Variants in DIAPH3 observed in about 807,000 individuals in gnomAD.
DIAPH3 encodes diaphanous related formin 3, also known as protein diaphanous homolog 3.
Under a neutral mutation model 144.3 loss-of-function variants are expected in DIAPH3, and 117 were observed. The observed-to-expected ratio is 0.81, with a 90% CI of 0.70 to 0.95. The LOEUF is 0.95. Ranked by LOEUF, DIAPH3 falls within the 40% of genes least tolerant of loss-of-function variation. The pLI is 0.00. For synonymous variants in DIAPH3, 519 were observed against 488.9 expected (o/e 1.06, Z -0.81); for missense variants, 1,421 against 1,412.7 (o/e 1.01, Z -0.09).
intron 12 of DIAPH3, among the ~76,000 whole-genome samples, chr13:59,990,355 C>T (rs761901979): frequency 6.6e-6 from 1 of 151,824 alleles, no homozygotes; most frequent in Non-Finnish European, 1.5e-5. Context: ...GTCTAAAAAA[C>T]TCTTCTACTT....
intron 27 of DIAPH3, among the ~76,000 whole-genome samples, chr13:59,756,034 A>G (rs1034200080): frequency 6.6e-6 from 1 of 152,196 alleles, no homozygotes; most frequent in African/African-American, 2.4e-5. Flanking sequence ...TGTGGTTCTC[A>G]AAGTGTGGTT....
intron 17 of DIAPH3, among the ~76,000 whole-genome samples, chr13:59,969,500 C>T (rs1478010299): frequency 3.3e-5 from 5 of 152,222 alleles, no homozygotes; most frequent in African/African-American, 9.6e-5. Context: ...CCGTCATCTA[C>T]GTTGGGTATT....
At chr13:59,897,824 G>A (rs918526093) in intron 20 of DIAPH3, among the ~76,000 whole-genome samples, 6 of 150,832 alleles carry the variant, frequency 4.0e-5, no homozygotes, top group Non-Finnish European at 7.4e-5. Flanking sequence ...GAAGAAAAAA[G>A]TGTAAAATAA....
chr13:60,038,825 C>A (rs147476022), intron 5 of DIAPH3, among the ~76,000 whole-genome samples: 3 of 151,970 alleles, frequency 2.0e-5, no homozygotes, highest in Middle Eastern at 3.4e-3. Context: ...AATAAAGATA[C>A]CTTCTATCAC....
chr13:60,052,969 A>AG (rs1415571204), intron 4 of DIAPH3, among the ~76,000 whole-genome samples: 1 of 146,990 alleles, frequency 6.8e-6, no homozygotes, highest in Non-Finnish European at 1.5e-5. Context: ...TAAAAAAAAA[A>AG]AAAAAAAAAA....
intron 20 of DIAPH3, among the ~76,000 whole-genome samples, chr13:59,891,135 A>T (rs2045767576): frequency 6.6e-6 from 1 of 152,052 alleles, no homozygotes; most frequent in South Asian, 2.1e-4. Context: ...TCATAATGAG[A>T]TTTGAAGAGT....
At chr13:59,806,278 A>G (rs1364913758) in intron 25 of DIAPH3, among the ~76,000 whole-genome samples, 1 of 151,994 alleles carries the variant, frequency 6.6e-6, no homozygotes, top group Admixed American at 6.6e-5. Flanking sequence ...AAAAATTTCT[A>G]CGAAGATTTG....
chr13:60,077,231 A>G (rs1276738105), intron 4 of DIAPH3, among the ~76,000 whole-genome samples: 4 of 152,078 alleles, frequency 2.6e-5, no homozygotes, highest in Non-Finnish European at 5.9e-5. Context: ...GACAGGGGGA[A>G]ATGCGTAAAG....
At chr13:59,769,995 C>T (rs534998590) in intron 27 of DIAPH3, among the ~76,000 whole-genome samples, 9 of 152,108 alleles carry the variant, frequency 5.9e-5, no homozygotes, top group African/African-American at 1.9e-4. Flanking sequence ...TTAATGTTGC[C>T]ACACTTTGCT....
At chr13:59,995,279 G>A (rs775056515) in intron 9 of DIAPH3, among the ~76,000 whole-genome samples, 8 of 151,724 alleles carry the variant, frequency 5.3e-5, no homozygotes, top group Non-Finnish European at 1.0e-4. Flanking sequence ...TGAGATGTTC[G>A]TCATAAGGAA....
chr13:59,666,268 A>AC lies in DIAPH3; in HGVS notation c.*315dup, dbSNP rs893088262. The AC allele has an allele frequency of 4.9e-5, 12 of 244,448 alleles. No homozygotes were observed. Among genetic ancestry groups the AC allele is most frequent in the Non-Finnish European group, 9.3e-5 (12 of 129,218 alleles). The allele number at this position is 244,448 out of a possible 1,614,324, so 15.1% of individuals were successfully genotyped here. A position where few individuals can be genotyped will look rare whatever the true frequency, so the allele number is the denominator to read the frequency against. On this transcript the variant is annotated 3_prime_UTR_variant, in exon 28 of 28. Transcript: ENST00000400324. ...AGAAAGATGGTATTTTCTTAAGGAC[A>AC]CACTGCTGAACACATGGCCACCTAC... is the stretch of plus-strand genomic sequence containing the variant.
chr13:59,867,287 C>T (rs368048762), intron 21 of DIAPH3, among the ~76,000 whole-genome samples: 1 of 150,954 alleles, frequency 6.6e-6, no homozygotes, highest in East Asian at 1.9e-4. Context: ...CAGAGTGAGA[C>T]CTGGCTCTTA....
chr13:59,908,326 G>A (rs1036280989), intron 20 of DIAPH3, among the ~76,000 whole-genome samples: 2 of 136,674 alleles, frequency 1.5e-5, no homozygotes, highest in South Asian at 4.7e-4. Flanking sequence ...AGCCGAGATC[G>A]TGCCACTGTA....
chr13:60,145,113 A>T (rs1177265677), intron 1 of DIAPH3, among the ~76,000 whole-genome samples: 8 of 152,296 alleles, frequency 5.3e-5, no homozygotes, highest in Non-Finnish European at 2.9e-5. Flanking sequence ...GAGAACAGGA[A>T]ATTGAACAGC....
At chr13:60,004,400 A>G (rs923791438) in intron 9 of DIAPH3, among the ~76,000 whole-genome samples, 1 of 152,212 alleles carries the variant, frequency 6.6e-6, no homozygotes, top group Non-Finnish European at 1.5e-5. Flanking sequence ...ATAACCTGCA[A>G]TATGCAGAAA....
At chr13:59,768,516 A>C (rs2037964479) in intron 27 of DIAPH3, among the ~76,000 whole-genome samples, 1 of 152,172 alleles carries the variant, frequency 6.6e-6, no homozygotes. Flanking sequence ...GCCTAAAGAC[A>C]AACTCTTGCT....
chr13:59,999,919 C>G (rs762971647), intron 9 of DIAPH3, among the ~76,000 whole-genome samples: 2 of 152,184 alleles, frequency 1.3e-5, no homozygotes, highest in Non-Finnish European at 2.9e-5. Flanking sequence ...CAAGTTTCAA[C>G]AAGGGTTATC....
intron 1 of DIAPH3, among the ~76,000 whole-genome samples, chr13:60,163,031 T>C (rs1409178645): frequency 6.6e-6 from 1 of 152,196 alleles, no homozygotes; most frequent in East Asian, 1.9e-4. Context: ...ATCATGACAC[T>C]TTCCTTAAGT....
chr13:59,901,550 A>G (rs1173302343), intron 20 of DIAPH3, among the ~76,000 whole-genome samples: 1 of 152,196 alleles, frequency 6.6e-6, no homozygotes, highest in East Asian at 1.9e-4. Context: ...ATCTGATATT[A>G]CATTATTATT....
Sources: gnomAD v4.1 joint callset for allele counts (sites outside exome capture counted in the v4.1 genomes callset) on GRCh38, gnomAD v4.1.1 for gene constraint, MANE v1.5 for transcripts, NCBI Gene and HGNC (gene_info 2026-07-23, HGNC 2026-07-21) for gene names.